Variants in BRD3 observed in about 807,000 individuals in gnomAD.
BRD3 encodes bromodomain containing 3, also known as bromodomain-containing protein 3.
BRD3 carries 17 observed loss-of-function variants against 66.8 expected under a neutral mutation model. That is an observed-to-expected ratio of 0.25 (90% CI 0.17 to 0.38). BRD3 has a LOEUF of 0.38. Among genes scored for constraint, BRD3 ranks in the 10% least tolerant of loss-of-function variants. The pLI, the probability that BRD3 is intolerant of heterozygous loss-of-function variation, is 1.00. For missense variants in BRD3, 713 were observed against 956.1 expected (o/e 0.75, Z 3.35); for synonymous variants, 421 against 393.2 (o/e 1.07, Z -0.84).
At chr9:134,049,344 G>C (rs764312209) in intron 5 of BRD3, among the ~76,000 whole-genome samples, 15 of 152,204 alleles carry the variant, frequency 9.9e-5, no homozygotes, top group Non-Finnish European at 2.2e-4. Flanking sequence ...AGCCCAGCGG[G>C]AGAGGAGCCA....
chr9:134,043,586 C>G (rs560521231), intron 7 of BRD3, among the ~76,000 whole-genome samples: 16 of 152,356 alleles, frequency 1.1e-4, no homozygotes, highest in African/African-American at 3.6e-4. Flanking sequence ...GCGGTCCAGG[C>G]CCCCGCTCGG....
At chr9:134,034,663 C>T (rs199544102) in intron 11 of BRD3, 38 bp downstream of exon 11, 1 of 1,599,256 alleles carries the variant, frequency 6.3e-7, no homozygotes, top group Non-Finnish European at 8.5e-7. Context: ...ACCCCCCACC[C>T]CCCTAAAGAG....
intron 4 of BRD3, among the ~76,000 whole-genome samples, chr9:134,051,301 C>T (rs897792160): frequency 6.6e-6 from 1 of 152,224 alleles, no homozygotes; most frequent in East Asian, 1.9e-4. Context: ...AGAGCAGGGA[C>T]AGGTGATCCT....
In BRD3 at chr9:134,032,230, G is replaced by A. The variant is rs1419120314; in HGVS notation, c.*1360C>T. The stretch of plus-strand genomic sequence containing the variant: ...CTGTATATTATTATTTTTTACAATA[G>A]AAAGTTAAAAATCAAGACTTAGATT... On this transcript the variant is annotated 3_prime_UTR_variant, in exon 12 of 12. Transcript: ENST00000303407. The A allele has an allele frequency of 9.3e-6, 2 of 215,434 alleles. No homozygotes were observed. The highest frequency in any genetic ancestry group is 4.5e-5 in the African/African-American group (2 of 44,234). 13.3% of individuals were successfully genotyped at this position (215,434 alleles called of 1,614,324 possible).
At chr9:134,061,380 G>A (rs1455315535) in intron 1 of BRD3, among the ~76,000 whole-genome samples, 1 of 152,242 alleles carries the variant, frequency 6.6e-6, no homozygotes, top group African/African-American at 2.4e-5. Context: ...GCTTACCAAG[G>A]CCATTCCAGC....
intron 10 of BRD3, 103 bp from the exon 11 acceptor site, chr9:134,034,932 C>A: frequency 1.3e-6 from 2 of 1,512,686 alleles, no homozygotes; most frequent in Non-Finnish European, 1.8e-6. Flanking sequence ...ACACTGGCAT[C>A]CATGCCAGCT....
intron 9 of BRD3, among the ~76,000 whole-genome samples, chr9:134,039,288 G>T (rs1465753330): frequency 2.6e-5 from 4 of 152,304 alleles, no homozygotes; most frequent in African/African-American, 7.2e-5. Flanking sequence ...AAGGAAGCAT[G>T]AACACCTCAA....
intron 1 of BRD3, chr9:134,055,806 A>G (rs1477704302): frequency 6.5e-6 from 1 of 152,852 alleles, no homozygotes; most frequent in Non-Finnish European, 1.5e-5. Flanking sequence ...TCAGGGCACA[A>G]AGGAAGGCTC....
At chr9:134,064,244 T>C (rs528795163) in intron 1 of BRD3, among the ~76,000 whole-genome samples, 2 of 152,256 alleles carry the variant, frequency 1.3e-5, no homozygotes, top group African/African-American at 2.4e-5. Flanking sequence ...AAAAGAGCTC[T>C]CGGTCAGGCA....
intron 1 of BRD3, among the ~76,000 whole-genome samples, chr9:134,061,917 GC>G (rs1830551484): frequency 6.6e-6 from 1 of 152,186 alleles, no homozygotes; most frequent in African/African-American, 2.4e-5. Context: ...TGCCCCCACA[GC>G]CCCATCTAAC....
In BRD3 at chr9:134,033,499, T is replaced by C. The variant is rs1001066942; in HGVS notation, c.*91A>G. The C allele has an allele frequency of 1.6e-6, 1 of 642,458 alleles. No individual in the cohort carries two copies. 39.8% of individuals were successfully genotyped at this position (642,458 alleles called of 1,614,324 possible). A position where few individuals can be genotyped will look rare whatever the true frequency, so the allele number is the denominator to read the frequency against. ...AATTAAGAAGCAGACCTGCACACCA[T>C]GGAACAGAAGTAGTAATATGAACCA... On this transcript the variant is annotated 3_prime_UTR_variant, in exon 12 of 12. Coordinates refer to ENST00000303407, the MANE Select transcript of BRD3 (RefSeq NM_007371.4). The surrounding 1 kb of genome is among the most constrained non-coding windows in gnomAD (Gnocchi z 5.1).
chr9:134,059,328 G>A (rs1188417492), intron 1 of BRD3, among the ~76,000 whole-genome samples: 1 of 152,214 alleles, frequency 6.6e-6, no homozygotes, highest in East Asian at 1.9e-4. Context: ...GGGGTCCAGG[G>A]TTCTGCCTTG....
chr9:134,034,682 C>A lies in BRD3; in HGVS notation c.2065+19G>T, dbSNP rs1427245364. On this transcript the variant is annotated intron_variant, in intron 11 of 11. Coordinates refer to ENST00000303407, the MANE Select transcript of BRD3 (RefSeq NM_007371.4). ...CCCACCCCCCTAAAGAGGGGTGGCACAGCGGCCGCCAGCGGTACCTTTCCG... is the reference window on the plus strand; with the variant it reads ...CCCACCCCCCTAAAGAGGGGTGGCAAAGCGGCCGCCAGCGGTACCTTTCCG... 1 of 1,601,252 alleles carries A rather than the reference C, an allele frequency of 6.2e-7. No individual in the cohort carries two copies. Among genetic ancestry groups the A allele is most frequent in the Non-Finnish European group, 8.5e-7 (1 of 1,179,692 alleles).
In BRD3 at chr9:134,036,332, A is replaced by G. The variant is rs1420260788; in HGVS notation, c.1644-8T>C. ...CCGCCTTTCTTCAGCTGTCTGGGGC[A>G]GGAGACAGAGCAACGTGGTGTTGAG... is the stretch of plus-strand genomic sequence containing the variant. On this transcript the variant is annotated splice_region_variant and splice_polypyrimidine_tract_variant and intron_variant, in intron 9 of 11. Coordinates refer to ENST00000303407, the MANE Select transcript of BRD3 (RefSeq NM_007371.4). 3.1e-6 allele frequency: 5 copies of G among 1,594,446 alleles called. No homozygotes were observed. In the Admixed American group the frequency reaches 6.8e-5, roughly 22 times the overall value.
intron 1 of BRD3, among the ~76,000 whole-genome samples, chr9:134,062,352 G>A (rs187248765): frequency 1.2e-4 from 18 of 152,290 alleles, no homozygotes; most frequent in Non-Finnish European, 2.4e-4. Context: ...CATGGCCCCA[G>A]ACACGCTGGG....
intron 1 of BRD3, among the ~76,000 whole-genome samples, chr9:134,061,422 G>C (rs1830542196): frequency 6.6e-6 from 1 of 152,230 alleles, no homozygotes. Flanking sequence ...CAGTGGCAGG[G>C]AGGGGCAGGG....
intron 10 of BRD3, among the ~76,000 whole-genome samples, chr9:134,035,466 G>A (rs1843586353): frequency 6.6e-6 from 1 of 152,188 alleles, no homozygotes; most frequent in South Asian, 2.1e-4. Context: ...TGCCAGACCT[G>A]CAGACCCCAG....
Position 134,034,799 on chromosome 9 carries a change from G to C in BRD3, c.1967C>G (p.Ser656Trp), listed in dbSNP as rs200522998. The stretch of plus-strand genomic sequence containing the variant: ...CTTTTCCTGAGCTAGCTCCTCTTTC[G>C]ACTTGGCTGCCTGTTTCTTCCCGCT... ...SASGKKQAAK[S>W]KEELAQEKKK... Residue 656 changes from serine (S) to tryptophan (W), a missense_variant, in exon 11 of 12, where the codon TCG (serine) becomes TGG (tryptophan). Ser to Trp is a radical substitution (Grantham distance 177). Coordinates refer to ENST00000303407, the MANE Select transcript of BRD3 (RefSeq NM_007371.4). 2 of 1,612,216 alleles carry C rather than the reference G, an allele frequency of 1.2e-6. No individual in the cohort carries two copies. The highest frequency in any genetic ancestry group is 1.7e-6 in the Non-Finnish European group (2 of 1,180,006).
chr9:134,034,180 C>T (rs994393831), intron 11 of BRD3, among the ~76,000 whole-genome samples: 2 of 152,268 alleles, frequency 1.3e-5, no homozygotes, highest in South Asian at 2.1e-4. Flanking sequence ...TACTGTCCCC[C>T]CCATATGTGT....
Sources: gnomAD v4.1 joint callset for allele counts (sites outside exome capture counted in the v4.1 genomes callset) on GRCh38, gnomAD v4.1.1 for gene constraint, Gnocchi (gnomAD v3.1) non-coding constraint, MANE v1.5 for transcripts, NCBI Gene and HGNC (gene_info 2026-07-23, HGNC 2026-07-21) for gene names.